The following MRPL22 variants were observed in gnomAD, a reference collection of about 807,000 sequenced individuals.
MRPL22 encodes large ribosomal subunit protein uL22m.
MRPL22 carries 27 observed loss-of-function variants against 32.4 expected under a neutral mutation model. The observed-to-expected ratio is 0.83, with a 90% CI of 0.61 to 1.15. The LOEUF (loss-of-function observed/expected upper bound fraction) is 1.15, where lower values mean the gene tolerates loss of function less well. Among genes scored for constraint, MRPL22 ranks in the 50% most tolerant of loss-of-function variants. The pLI, the probability that MRPL22 is intolerant of heterozygous loss-of-function variation, is 0.00. For synonymous variants in MRPL22, 86 were observed against 87.3 expected (o/e 0.99, Z 0.08); for missense variants, 239 against 260.2 (o/e 0.92, Z 0.56).
chr5:154,944,078 C>T (rs1043551340), intron 2 of MRPL22, among the ~76,000 whole-genome samples: 1 of 152,120 alleles, frequency 6.6e-6, no homozygotes, highest in Non-Finnish European at 1.5e-5. Flanking sequence ...AGGATCTAAA[C>T]AAAATATTTT....
chr5:154,958,784 A>C (rs1201628708), intron 5 of MRPL22, among the ~76,000 whole-genome samples: 1 of 151,862 alleles, frequency 6.6e-6, no homozygotes, highest in Non-Finnish European at 1.5e-5. Flanking sequence ...TGACCTCATG[A>C]TCTGCCCACC....
chr5:154,952,822 G>T (rs1257689945), intron 3 of MRPL22, among the ~76,000 whole-genome samples: 2 of 152,090 alleles, frequency 1.3e-5, no homozygotes, highest in Non-Finnish European at 2.9e-5. Context: ...TGAAAAGAGG[G>T]CCAGATAATA....
intron 6 of MRPL22, among the ~76,000 whole-genome samples, chr5:154,966,127 T>C (rs1764763760): frequency 6.6e-6 from 1 of 152,246 alleles, no homozygotes; most frequent in African/African-American, 2.4e-5. Context: ...TTTCCTTGTT[T>C]GTGCTTCTCT....
chr5:154,951,552 T>C (rs1171798595), intron 3 of MRPL22, among the ~76,000 whole-genome samples: 1 of 152,116 alleles, frequency 6.6e-6, no homozygotes, highest in Admixed American at 6.6e-5. Flanking sequence ...TTATTATTAT[T>C]TTTGAGACAG....
intron 3 of MRPL22, among the ~76,000 whole-genome samples, chr5:154,953,051 A>G (rs1396706283): frequency 1.3e-5 from 2 of 152,132 alleles, no homozygotes; most frequent in Admixed American, 6.6e-5. Flanking sequence ...TTTATCTTAT[A>G]TGGGGCTTCA....
At chr5:154,952,704 T>G (rs1159782462) in intron 3 of MRPL22, among the ~76,000 whole-genome samples, 1 of 152,186 alleles carries the variant, frequency 6.6e-6, no homozygotes, top group Non-Finnish European at 1.5e-5. Context: ...CAGAAATAAT[T>G]TATTCACTGG....
intron 3 of MRPL22, among the ~76,000 whole-genome samples, chr5:154,954,785 T>G (rs1035322022): frequency 6.6e-6 from 1 of 152,164 alleles, no homozygotes; most frequent in African/African-American, 2.4e-5. Context: ...TTAAAGGGTC[T>G]CTTCTTTTTT....
At chr5:154,957,486 T>G (rs1241165674) in intron 5 of MRPL22, among the ~76,000 whole-genome samples, 1 of 152,216 alleles carries the variant, frequency 6.6e-6, no homozygotes, top group African/African-American at 2.4e-5. Flanking sequence ...ATCTTATTTT[T>G]AATGATTTGG....
chr5:154,966,610 A>AC, intron 6 of MRPL22, 76 bp from the exon 7 acceptor site: 1 of 1,477,708 alleles, frequency 6.8e-7, no homozygotes, highest in South Asian at 1.2e-5. Context: ...AGTCAAGGAA[A>AC]GGACAGAAAT....
chr5:154,944,204 C>T (rs1191008327), intron 2 of MRPL22, among the ~76,000 whole-genome samples: 13 of 152,156 alleles, frequency 8.5e-5, no homozygotes, highest in African/African-American at 2.4e-4. Flanking sequence ...ACGATCCGCC[C>T]GCTTTGGCCT....
intron 5 of MRPL22, 142 bp downstream of exon 5, chr5:154,957,354 G>A: frequency 1.6e-6 from 1 of 627,038 alleles, no homozygotes; most frequent in South Asian, 2.4e-5. Context: ...ACAGATTTAG[G>A]GTTCTCAGTT....
At chr5:154,946,692 G>A (rs780434380) in intron 2 of MRPL22, among the ~76,000 whole-genome samples, 12 of 152,052 alleles carry the variant, frequency 7.9e-5, no homozygotes, top group East Asian at 7.7e-4. Flanking sequence ...GCGGTGGTGC[G>A]TCCCTGTAAT....
intron 2 of MRPL22, 122 bp downstream of exon 2, chr5:154,941,387 GACAGCCCGAGTCTCTGCTTTGTC>G: frequency 8.4e-7 from 1 of 1,186,760 alleles, no homozygotes; most frequent in Non-Finnish European, 1.2e-6. Flanking sequence ...AGGCGAATGA[GACAGCCCGAGTCTCTGCTTTGTC>G]ACTCTATTTT....
intron 6 of MRPL22, among the ~76,000 whole-genome samples, chr5:154,960,548 C>T (rs970241287): frequency 7.2e-5 from 11 of 152,314 alleles, no homozygotes; most frequent in African/African-American, 2.6e-4. Context: ...TTGGAAGGCT[C>T]AGATGACCCA....
At chr5:154,956,018 G>C (rs982801299) in intron 3 of MRPL22, 3 of 200,930 alleles carry the variant, frequency 1.5e-5, no homozygotes, top group African/African-American at 7.1e-5. Flanking sequence ...AATAATGAAC[G>C]TTTTCTTGTA....
At chr5:154,960,737 T>A (rs1390193114) in intron 6 of MRPL22, among the ~76,000 whole-genome samples, 3 of 152,184 alleles carry the variant, frequency 2.0e-5, no homozygotes, top group African/African-American at 7.2e-5. Flanking sequence ...GAGAAGGAGA[T>A]TAATGTTTAT....
intron 2 of MRPL22, 29 bp from the exon 3 acceptor site, chr5:154,950,792 T>C (rs376126503): frequency 6.8e-7 from 1 of 1,465,732 alleles, no homozygotes; most frequent in Non-Finnish European, 9.6e-7. Context: ...TAAGTGTCTG[T>C]TGTTTTATAG....
chr5:154,961,942 C>T (rs1364794025), intron 6 of MRPL22, among the ~76,000 whole-genome samples: 5 of 152,282 alleles, frequency 3.3e-5, no homozygotes, highest in African/African-American at 9.6e-5. Flanking sequence ...ACTGCCTCAG[C>T]CTCCCAAAGT....
chr5:154,943,583 C>G (rs1764447941), intron 2 of MRPL22, among the ~76,000 whole-genome samples: 1 of 151,456 alleles, frequency 6.6e-6, no homozygotes, highest in South Asian at 2.1e-4. Context: ...TATATATACA[C>G]ACATATATGC....
Sources: allele counts gnomAD v4.1 joint callset (sites outside exome capture counted in the v4.1 genomes callset), GRCh38; gene constraint gnomAD v4.1.1; transcripts MANE v1.5; gene names NCBI Gene and HGNC (gene_info 2026-07-23, HGNC 2026-07-21).